DNM2: variants seen among roughly 807,000 people sequenced by gnomAD.
DNM2 encodes the protein dynamin 2, also known as dynamin-2.
In DNM2, 15 loss-of-function variants were observed where a neutral mutation model predicts 99.0. The observed-to-expected ratio is 0.15, with a 90% CI of 0.10 to 0.23. DNM2 has a LOEUF of 0.23. Ranked by LOEUF, DNM2 falls within the 10% of genes least tolerant of loss-of-function variation. DNM2 has a pLI of 1.00. For missense variants in DNM2, 742 were observed against 1,189.4 expected, an observed-to-expected ratio of 0.62 and a Z score of 5.53; for synonymous variants, 525 against 481.2, an observed-to-expected ratio of 1.09 and a Z score of -1.19.
At chr19:10,789,101 G>C (rs954459645) in intron 7 of DNM2, among the ~76,000 whole-genome samples, 1 of 152,202 alleles carries the variant, frequency 6.6e-6, no homozygotes, top group Admixed American at 6.5e-5. Flanking sequence ...GGGAGGCTGA[G>C]GCAGGAGAAT....
At position 10,818,137 on chromosome 19, in the gene DNM2, G is replaced by A. The variant is rs1431490593; in HGVS notation, c.1672-1843G>A. ...GTTACCCAGCCTTGCCTGGGATGAC[G>A]GGTGCAGGCTTTCTTCATCACCTTC... On this transcript the variant is annotated intron_variant, in intron 15 of 20. Coordinates refer to ENST00000389253, the MANE Select transcript of DNM2 (RefSeq NM_001005361.3). This position sits in a 1 kb window ranked among gnomAD's most constrained non-coding sequence, Gnocchi z 4.3. Among the ~76,000 whole-genome samples, 3 of 152,138 alleles carry A rather than the reference G, an allele frequency of 2.0e-5. No individual in the cohort carries two copies. Among genetic ancestry groups the A allele is most frequent in the East Asian group, 3.9e-4 (2 of 5,146 alleles).
intron 1 of DNM2, among the ~76,000 whole-genome samples, chr19:10,747,828 G>A (rs761789681): frequency 6.6e-6 from 1 of 152,136 alleles, no homozygotes; most frequent in African/African-American, 2.4e-5. Context: ...AGCATTGAGC[G>A]GGTTGATGTG....
At chr19:10,745,513 A>C (rs760231907) in intron 1 of DNM2, among the ~76,000 whole-genome samples, 3 of 152,098 alleles carry the variant, frequency 2.0e-5, no homozygotes, top group Non-Finnish European at 4.4e-5. Context: ...TCGCCTAGGC[A>C]GCATATCACT....
At chr19:10,779,503 T>TTTCC (rs1491288760) in intron 5 of DNM2, among the ~76,000 whole-genome samples, 1 of 39,898 alleles carries the variant, frequency 2.5e-5, no homozygotes, top group Admixed American at 3.0e-4. Flanking sequence ...TCTTTCTTTC[T>TTTCC]TTTTTTTTTT....
At chr19:10,803,852 G>A (rs1470590898) in intron 12 of DNM2, among the ~76,000 whole-genome samples, 5 of 152,232 alleles carry the variant, frequency 3.3e-5, no homozygotes, top group African/African-American at 4.8e-5. Flanking sequence ...TGTAGCCCCT[G>A]CTGTTTCAGA....
chr19:10,759,795 C>A lies in DNM2; in HGVS notation c.219C>A (p.Leu73=), dbSNP rs372012614. The A allele has an allele frequency of 1.2e-6, 2 of 1,614,030 alleles. No homozygotes were observed. Among genetic ancestry groups the A allele is most frequent in the African/African-American group, 2.7e-5 (2 of 74,910 alleles). ...CCCGGCGGCCTCTCATTCTGCAGCTCATCTTCTCAAAAACAGGTAAAATGG... is the reference window on the plus strand; with the variant it reads ...CCCGGCGGCCTCTCATTCTGCAGCTAATCTTCTCAAAAACAGGTAAAATGG... ...IVTRRPLILQ[L]IFSKTEHAEF... Residue 73 remains leucine, a synonymous_variant, in exon 2 of 21, where the codon CTC becomes CTA. Transcript: ENST00000389253.
chr19:10,779,800 C>T (rs1295050752), intron 5 of DNM2, among the ~76,000 whole-genome samples: 4 of 152,020 alleles, frequency 2.6e-5, no homozygotes, highest in Non-Finnish European at 5.9e-5. Context: ...ATTACAGGCA[C>T]TCGCCACCAC....
intron 1 of DNM2, among the ~76,000 whole-genome samples, chr19:10,736,459 G>A (rs2069530254): frequency 6.6e-6 from 1 of 152,160 alleles, no homozygotes; most frequent in South Asian, 2.1e-4. Flanking sequence ...ATCAGGCCAT[G>A]TGAGTCCTCT....
At chr19:10,782,880 A>G in intron 5 of DNM2, 80 bp from the exon 6 acceptor site, 1 of 1,595,172 alleles carries the variant, frequency 6.3e-7, no homozygotes, top group Non-Finnish European at 8.6e-7. Context: ...CCATCTCTAT[A>G]CTTGAATCTT....
intron 1 of DNM2, among the ~76,000 whole-genome samples, chr19:10,735,132 C>G (rs1008534980): frequency 3.3e-5 from 5 of 152,124 alleles, no homozygotes; most frequent in Non-Finnish European, 7.3e-5. Flanking sequence ...CAAGCTCTGC[C>G]TCCTGGGTTC....
At chr19:10,768,426 C>T (rs1305469339) in intron 2 of DNM2, 1 of 152,360 alleles carries the variant, frequency 6.6e-6, no homozygotes, top group Non-Finnish European at 1.5e-5. Flanking sequence ...TACACTCCAG[C>T]CTGGGTGACA....
intron 11 of DNM2, among the ~76,000 whole-genome samples, chr19:10,799,982 A>G (rs2072079152): frequency 6.6e-6 from 1 of 151,812 alleles, no homozygotes; most frequent in Admixed American, 6.6e-5. Flanking sequence ...TCAGCCTCCC[A>G]AGTAGCTGGG....
chr19:10,826,014 G>A (rs539517701), intron 18 of DNM2, among the ~76,000 whole-genome samples: 30 of 152,132 alleles, frequency 2.0e-4, no homozygotes, highest in Middle Eastern at 3.4e-3. Flanking sequence ...CAGCCTGGGC[G>A]ACAGAGCAAG....
chr19:10,739,593 G>A (rs775030029), intron 1 of DNM2, among the ~76,000 whole-genome samples: 6 of 152,098 alleles, frequency 3.9e-5, no homozygotes, highest in Non-Finnish European at 7.4e-5. Context: ...AGTGGCGCAC[G>A]CCTGTAATCC....
At chr19:10,819,376 C>T (rs997129253) in intron 15 of DNM2, among the ~76,000 whole-genome samples, 1 of 152,208 alleles carries the variant, frequency 6.6e-6, no homozygotes, top group African/African-American at 2.4e-5. Context: ...CTCCTCTCTG[C>T]CTCAGTCTTC....
Position 10,831,514 on chromosome 19 carries a change from C to A in DNM2, c.*467C>A. ...GAGCTCCCCAGCGGCAAGCCTGGCC[C>A]AGTGGGCTCGGTAGTGCCCAGCTGG... On this transcript the variant is annotated 3_prime_UTR_variant, in exon 21 of 21. Transcript: ENST00000389253. This position sits in a 1 kb window ranked among gnomAD's most constrained non-coding sequence, Gnocchi z 4.3. 21 of 987,632 alleles carry A rather than the reference C, an allele frequency of 2.1e-5. No individual in the cohort carries two copies. The highest frequency in any genetic ancestry group is 2.5e-5 in the Non-Finnish European group (21 of 831,158). 61.2% of individuals were successfully genotyped at this position (987,632 alleles called of 1,614,324 possible).
chr19:10,777,292 C>G (rs973456469), intron 5 of DNM2, 76 bp downstream of exon 5: 53 of 1,369,976 alleles, frequency 3.9e-5, no homozygotes, highest in Non-Finnish European at 4.6e-5. Context: ...AGCACCTGTT[C>G]CCTGCCTGCC....
intron 1 of DNM2, among the ~76,000 whole-genome samples, chr19:10,741,543 ATTTC>A (rs1462736970): frequency 4.5e-5 from 6 of 131,876 alleles, no homozygotes; most frequent in African/African-American, 1.7e-4. Flanking sequence ...ATTGGCCAAT[ATTTC>A]TTTCTTTTTT....
chr19:10,808,122 G>A (rs2072416034), intron 13 of DNM2, among the ~76,000 whole-genome samples: 1 of 151,422 alleles, frequency 6.6e-6, no homozygotes. Context: ...TGGCCTGGGC[G>A]GCTGAGCGAG....
Sources: gnomAD v4.1 joint callset for allele counts (sites outside exome capture counted in the v4.1 genomes callset) on GRCh38, gnomAD v4.1.1 for gene constraint, Gnocchi (gnomAD v3.1) non-coding constraint, MANE v1.5 for transcripts, NCBI Gene and HGNC (gene_info 2026-07-23, HGNC 2026-07-21) for gene names.